EDNRB: variants seen among roughly 807,000 people sequenced by gnomAD.
EDNRB encodes Hirschsprung disease 2.
Under a neutral mutation model 46.4 loss-of-function variants are expected in EDNRB, and 18 were observed. That is an observed-to-expected ratio of 0.39 (90% CI 0.27 to 0.57). The LOEUF is 0.57. Among genes scored for constraint, EDNRB ranks in the 20% least tolerant of loss-of-function variants. The pLI is 0.61. For synonymous variants in EDNRB, 213 were observed against 204.9 expected, an observed-to-expected ratio of 1.04 and a Z score of -0.34; for missense variants, 434 against 537.5, an observed-to-expected ratio of 0.81 and a Z score of 1.90.
chr13:77,948,315 TAA>T (rs1295406529), intron 1 of EDNRB, among the ~76,000 whole-genome samples: 3 of 152,198 alleles, frequency 2.0e-5, no homozygotes, highest in African/African-American at 7.2e-5. Flanking sequence ...GATAGTAAAA[TAA>T]AGTCAGCTTC....
intron 1 of EDNRB, among the ~76,000 whole-genome samples, chr13:77,929,244 T>G (rs143083541): frequency 5.9e-4 from 90 of 152,242 alleles, no homozygotes; most frequent in African/African-American, 2.1e-3. Context: ...AGCATACAAA[T>G]AAGAGGACCA....
At chr13:77,967,942 C>G (rs772964404) in intron 1 of EDNRB, among the ~76,000 whole-genome samples, 16 of 152,118 alleles carry the variant, frequency 1.1e-4, no homozygotes, top group Admixed American at 3.9e-4. Context: ...CCTTGAGATT[C>G]TCCAACAACA....
At chr13:77,958,667 C>A (rs1207321526) in intron 1 of EDNRB, among the ~76,000 whole-genome samples, 1 of 152,214 alleles carries the variant, frequency 6.6e-6, no homozygotes. Context: ...AGCCACTGCC[C>A]CCAGCCCCCA....
intron 1 of EDNRB, among the ~76,000 whole-genome samples, chr13:77,970,736 T>C (rs1881705003): frequency 6.6e-6 from 1 of 151,878 alleles, no homozygotes; most frequent in Non-Finnish European, 1.5e-5. Context: ...TTTCCTGGGC[T>C]ACATACCTTA....
chr13:77,967,694 T>A (rs1025517529), intron 1 of EDNRB, among the ~76,000 whole-genome samples: 25 of 152,348 alleles, frequency 1.6e-4, no homozygotes, highest in African/African-American at 5.1e-4. Flanking sequence ...AATGTGTATT[T>A]TAAATTATCT....
upstream of EDNRB, among the ~76,000 whole-genome samples, chr13:77,921,351 A>G (rs1880082108): frequency 6.6e-6 from 1 of 152,238 alleles, no homozygotes; most frequent in Non-Finnish European, 1.5e-5. Context: ...AATTTAAAAC[A>G]CAGTATCAGC....
chr13:77,960,815 A>ATAC (rs1380859841), intron 1 of EDNRB, among the ~76,000 whole-genome samples: 4 of 151,574 alleles, frequency 2.6e-5, no homozygotes, highest in African/African-American at 9.7e-5. Context: ...AGAGACACAC[A>ATAC]TAGGCTCAAA....
At position 77,918,016 on chromosome 13, in the gene EDNRB, A is replaced by G; in HGVS notation, c.483+75T>C. 6.2e-7 allele frequency: 1 copy of G among 1,610,446 alleles called. No homozygotes were observed. The highest frequency in any genetic ancestry group is 8.5e-7 in the Non-Finnish European group (1 of 1,178,818). On this transcript the variant is annotated intron_variant, in intron 1 of 6. Coordinates refer to ENST00000646607, the MANE Select transcript of EDNRB (RefSeq NM_001122659.3). This position sits in a 1 kb window ranked among gnomAD's most constrained non-coding sequence, Gnocchi z 4.5. The stretch of plus-strand genomic sequence containing the variant: ...GGAGCTAAAGGGAAGCTCCCTCTAC[A>G]AGCTTTCTCATCTCCCCGTCTCCAA...
At chr13:77,947,185 A>C (rs1260126452) in intron 1 of EDNRB, among the ~76,000 whole-genome samples, 1 of 152,240 alleles carries the variant, frequency 6.6e-6, no homozygotes, top group Admixed American at 6.5e-5. Context: ...ACTAATCATT[A>C]TCACTAAAAT....
Position 77,898,002 on chromosome 13 carries a change from A to G in EDNRB, c.*198T>C. 7.3e-7 allele frequency: 1 copy of G among 1,378,716 alleles called. No individual in the cohort carries two copies. The highest frequency in any genetic ancestry group is 1.6e-5 in the South Asian group (1 of 63,344). The allele number at this position is 1,378,716 out of a possible 1,614,324, so 85.4% of individuals were successfully genotyped here. A position where few individuals can be genotyped will look rare whatever the true frequency, so the allele number is the denominator to read the frequency against. On this transcript the variant is annotated 3_prime_UTR_variant, in exon 7 of 7. Coordinates refer to ENST00000646607, the MANE Select transcript of EDNRB (RefSeq NM_001122659.3). ...TCACGACGAGGCTTTCTTAATTCCCACTGATTTTCTTTCCATGCCGTAAAC... is the reference window on the plus strand; with the variant it reads ...TCACGACGAGGCTTTCTTAATTCCCGCTGATTTTCTTTCCATGCCGTAAAC...
At chr13:77,939,192 C>T (rs1232566084) in intron 1 of EDNRB, 1 of 152,026 alleles carries the variant, frequency 6.6e-6, no homozygotes, top group Non-Finnish European at 1.5e-5. Context: ...ACAAGGTGCT[C>T]AGTAGGGGAG....
intron 1 of EDNRB, among the ~76,000 whole-genome samples, chr13:77,951,174 G>T (rs1351980940): frequency 6.6e-6 from 1 of 152,206 alleles, no homozygotes; most frequent in African/African-American, 2.4e-5. Flanking sequence ...ACCAGAGCAA[G>T]CAGGTTTTGG....
intron 1 of EDNRB, among the ~76,000 whole-genome samples, chr13:77,948,903 A>G (rs1001256255): frequency 3.3e-5 from 5 of 152,218 alleles, no homozygotes; most frequent in Non-Finnish European, 7.3e-5. Flanking sequence ...GAAGTAAAAC[A>G]TAAAAGATTG....
At chr13:77,935,677 G>T (rs1050131031) in intron 1 of EDNRB, among the ~76,000 whole-genome samples, 1 of 152,202 alleles carries the variant, frequency 6.6e-6, no homozygotes, top group Non-Finnish European at 1.5e-5. Context: ...GAAGTAATGG[G>T]GGCTGTCTGT....
At chr13:77,906,474 G>A (rs946671559) in intron 1 of EDNRB, among the ~76,000 whole-genome samples, 1 of 152,016 alleles carries the variant, frequency 6.6e-6, no homozygotes, top group East Asian at 1.9e-4. Flanking sequence ...TGTGACAAAA[G>A]TGATGATGTG....
At chr13:77,900,953 T>C (rs979827099) in intron 4 of EDNRB, 105 bp downstream of exon 4, 6 of 1,348,096 alleles carry the variant, frequency 4.5e-6, no homozygotes, top group Admixed American at 3.9e-5. Context: ...AAAGGAAATA[T>C]GCTCTGGTAT....
intron 6 of EDNRB, 86 bp downstream of exon 6, chr13:77,899,773 C>A: frequency 1.0e-6 from 1 of 979,472 alleles, no homozygotes; most frequent in Non-Finnish European, 1.6e-6. Context: ...TTTACTAAAT[C>A]TGTCTGGATA....
At chr13:77,959,421 A>G (rs1881337139) in intron 1 of EDNRB, among the ~76,000 whole-genome samples, 1 of 152,226 alleles carries the variant, frequency 6.6e-6, no homozygotes, top group Non-Finnish European at 1.5e-5. Flanking sequence ...GCTGATACCC[A>G]GGCAAACAGG....
At chr13:77,928,916 AT>A (rs559076204) in intron 1 of EDNRB, among the ~76,000 whole-genome samples, 44 of 152,342 alleles carry the variant, frequency 2.9e-4, no homozygotes, top group Non-Finnish European at 4.7e-4. Context: ...CTTTTAAATC[AT>A]TTTTTATAGT....
Sources: gnomAD v4.1 joint callset for allele counts (sites outside exome capture counted in the v4.1 genomes callset) on GRCh38, gnomAD v4.1.1 for gene constraint, Gnocchi (gnomAD v3.1) non-coding constraint, MANE v1.5 for transcripts, NCBI Gene and HGNC (gene_info 2026-07-23, HGNC 2026-07-21) for gene names.